PRKCA: variants seen among roughly 807,000 people sequenced by gnomAD.
PRKCA encodes protein kinase C alpha type.
A neutral mutation model predicts 87.0 loss-of-function variants in PRKCA; 27 were observed. That is an observed-to-expected ratio of 0.31 (90% CI 0.23 to 0.43). The LOEUF (loss-of-function observed/expected upper bound fraction) is 0.43. Ranked by LOEUF, PRKCA falls within the 20% of genes least tolerant of loss-of-function variation. The pLI, the probability that PRKCA is intolerant of heterozygous loss-of-function variation, is 1.00. For synonymous variants in PRKCA, 329 were observed against 311.1 expected, an observed-to-expected ratio of 1.06 and a Z score of -0.61; for missense variants, 518 against 852.3, an observed-to-expected ratio of 0.61 and a Z score of 4.88.
At chr17:66,348,580 A>C (rs1359234443) in intron 2 of PRKCA, among the ~76,000 whole-genome samples, 1 of 152,238 alleles carries the variant, frequency 6.6e-6, no homozygotes, top group African/African-American at 2.4e-5. Context: ...TCATACTAAT[A>C]AAGTGAAATT....
At position 66,486,619 on chromosome 17, in the gene PRKCA, T is replaced by C. The variant is rs184297002; in HGVS notation, c.206-9582T>C. On this transcript the variant is annotated intron_variant, in intron 2 of 16. Transcript: ENST00000413366. ...TCTACCATCAACCACAACACTTGGGTGTTTCCAGGACTCGCCTTGCAGTTC... is the reference window on the plus strand; with the variant it reads ...TCTACCATCAACCACAACACTTGGGCGTTTCCAGGACTCGCCTTGCAGTTC... Among the ~76,000 whole-genome samples, 9 of 152,158 alleles carry C rather than the reference T, an allele frequency of 5.9e-5. No homozygotes were observed. The East Asian group carries it at 1.5e-3, about 26-fold the overall frequency.
chr17:66,540,802 G>A (rs367910353), intron 3 of PRKCA, among the ~76,000 whole-genome samples: 1 of 152,198 alleles, frequency 6.6e-6, no homozygotes. Context: ...AACAGAGGCA[G>A]TCGAGGGTAA....
intron 5 of PRKCA, among the ~76,000 whole-genome samples, chr17:66,665,772 C>A (rs16959907): frequency 6.6e-6 from 1 of 152,228 alleles, no homozygotes; most frequent in South Asian, 2.1e-4. Flanking sequence ...CCTAGCCTTG[C>A]GGTATGTTAG....
At chr17:66,554,464 T>C (rs1040484683) in intron 3 of PRKCA, 3 of 823,572 alleles carry the variant, frequency 3.6e-6, no homozygotes, top group African/African-American at 3.7e-5. Context: ...GTTTCAAACT[T>C]TGGGCTGGAA....
At chr17:66,784,143 C>G (rs1003218708) in intron 14 of PRKCA, among the ~76,000 whole-genome samples, 4 of 152,334 alleles carry the variant, frequency 2.6e-5, no homozygotes, top group South Asian at 2.1e-4. Flanking sequence ...AGCCTCTGCC[C>G]CGCTCCCTGC....
chr17:66,390,000 G>C (rs1910274294), intron 2 of PRKCA, among the ~76,000 whole-genome samples: 1 of 152,218 alleles, frequency 6.6e-6, no homozygotes, highest in African/African-American at 2.4e-5. Context: ...AAGGCGGGTG[G>C]ATCACCTGAG....
At position 66,653,666 on chromosome 17, in the gene PRKCA, G is replaced by A. The variant is rs796986996; in HGVS notation, c.529+8155G>A. On this transcript the variant is annotated intron_variant, in intron 5 of 16. Coordinates refer to ENST00000413366, the MANE Select transcript of PRKCA (RefSeq NM_002737.3). ...TATAAATAAACATCAAGGAGTTGGG[G>A]AATGGCTGAGTGGGCCGTTTGCATT... 5.3e-5 allele frequency among the ~76,000 whole-genome samples: 8 copies of A among 152,180 alleles called. No homozygotes were observed. The South Asian group carries it at 6.2e-4, about 12-fold the overall frequency.
intron 2 of PRKCA, among the ~76,000 whole-genome samples, chr17:66,414,048 A>T (rs1356682231): frequency 1.3e-5 from 2 of 151,730 alleles, no homozygotes; most frequent in Admixed American, 1.3e-4. Flanking sequence ...TGAGAACGAA[A>T]GATGCATATA....
chr17:66,556,630 T>C (rs1968503451), intron 3 of PRKCA, among the ~76,000 whole-genome samples: 1 of 152,198 alleles, frequency 6.6e-6, no homozygotes, highest in Non-Finnish European at 1.5e-5. Flanking sequence ...TGGAGACAAC[T>C]AAATCATGGG....
intron 5 of PRKCA, among the ~76,000 whole-genome samples, chr17:66,683,405 G>A (rs993006627): frequency 6.6e-6 from 1 of 152,218 alleles, no homozygotes; most frequent in African/African-American, 2.4e-5. Context: ...GGCTTCACCT[G>A]AGACTCACCT....
intron 2 of PRKCA, among the ~76,000 whole-genome samples, chr17:66,459,367 C>G (rs778363274): frequency 4.6e-5 from 7 of 152,122 alleles, no homozygotes; most frequent in Non-Finnish European, 7.3e-5. Context: ...GATGACGGAA[C>G]TACGATAACA....
chr17:66,736,429 C>T (rs1421215640), intron 10 of PRKCA, among the ~76,000 whole-genome samples: 1 of 152,088 alleles, frequency 6.6e-6, no homozygotes, highest in Non-Finnish European at 1.5e-5. Context: ...AGGCCGCTGC[C>T]ACCACGCCCG....
chr17:66,488,431 G>A (rs773045180), intron 2 of PRKCA, among the ~76,000 whole-genome samples: 11 of 152,118 alleles, frequency 7.2e-5, no homozygotes, highest in Non-Finnish European at 1.5e-4. Context: ...TGTACTCTCA[G>A]TTTCATCATA....
At chr17:66,555,434 G>A (rs1332550048) in intron 3 of PRKCA, among the ~76,000 whole-genome samples, 2 of 151,896 alleles carry the variant, frequency 1.3e-5, no homozygotes, top group Admixed American at 6.6e-5. Context: ...GAGGATCCTC[G>A]TTCTTCCTTA....
intron 3 of PRKCA, among the ~76,000 whole-genome samples, chr17:66,609,868 T>C (rs1970303077): frequency 6.6e-6 from 1 of 152,200 alleles, no homozygotes; most frequent in South Asian, 2.1e-4. Context: ...TTTCCTACTG[T>C]ACTCTCAACA....
chr17:66,807,887 T>G lies in PRKCA; in HGVS notation c.*3850T>G, dbSNP rs1024295356. On this transcript the variant is annotated 3_prime_UTR_variant, in exon 17 of 17. Coordinates refer to ENST00000413366, the MANE Select transcript of PRKCA (RefSeq NM_002737.3). This position sits in a 1 kb window ranked among gnomAD's most constrained non-coding sequence, Gnocchi z 4.3. Reference sequence around the variant, plus strand: ...AACAGGGTTTGGGTGCATCCAGAAATATGCCTGCAGTAGGAGGGAGAGGAA... The same window carrying G: ...AACAGGGTTTGGGTGCATCCAGAAAGATGCCTGCAGTAGGAGGGAGAGGAA... 1 of 152,100 alleles carries G rather than the reference T, an allele frequency of 6.6e-6. No individual in the cohort carries two copies. The highest frequency in any genetic ancestry group is 2.4e-5 in the African/African-American group (1 of 41,364). The allele number at this position is 152,100 out of a possible 1,614,324, so 9.4% of individuals were successfully genotyped here.
At chr17:66,660,901 G>A (rs1049836101) in intron 5 of PRKCA, among the ~76,000 whole-genome samples, 7 of 150,560 alleles carry the variant, frequency 4.6e-5, no homozygotes, top group African/African-American at 7.3e-5. Context: ...AGAGCAAGAC[G>A]CTGTCTTAAA....
intron 16 of PRKCA, among the ~76,000 whole-genome samples, chr17:66,789,586 C>G (rs1975482345): frequency 6.6e-6 from 1 of 152,226 alleles, no homozygotes; most frequent in African/African-American, 2.4e-5. Flanking sequence ...AGGCCCTGTT[C>G]TGAGTGCCTT....
At chr17:66,743,376 T>C (rs901147987) in intron 13 of PRKCA, among the ~76,000 whole-genome samples, 1 of 152,204 alleles carries the variant, frequency 6.6e-6, no homozygotes, top group African/African-American at 2.4e-5. Context: ...GAAAATACTC[T>C]GCCTGGAAGG....
Sources: gnomAD v4.1 joint callset for allele counts (sites outside exome capture counted in the v4.1 genomes callset) on GRCh38, gnomAD v4.1.1 for gene constraint, Gnocchi (gnomAD v3.1) non-coding constraint, MANE v1.5 for transcripts, NCBI Gene and HGNC (gene_info 2026-07-23, HGNC 2026-07-21) for gene names.